DLGAP2: variants seen among roughly 807,000 people sequenced by gnomAD.
DLGAP2 encodes disks large-associated protein 2.
DLGAP2 carries 26 observed loss-of-function variants against 100.3 expected under a neutral mutation model. The ratio of observed to expected loss-of-function variants is 0.26; its 90% CI spans 0.19 to 0.36. The LOEUF is 0.36. Among genes scored for constraint, DLGAP2 ranks in the 10% least tolerant of loss-of-function variants. DLGAP2 has a pLI of 1.00. For synonymous variants in DLGAP2, 886 were observed against 630.1 expected (o/e 1.41, Z -6.08); for missense variants, 1,858 against 1,453.2 (o/e 1.28, Z -4.53).
chr8:1,567,821 A>G (rs367636032), intron 6 of DLGAP2, among the ~76,000 whole-genome samples: 2 of 152,294 alleles, frequency 1.3e-5, no homozygotes, highest in African/African-American at 4.8e-5. Context: ...AGCATCACCT[A>G]AACACTGGCC....
chr8:995,238 A>C (rs534083341), intron 2 of DLGAP2, among the ~76,000 whole-genome samples: 1 of 152,150 alleles, frequency 6.6e-6, no homozygotes, highest in Non-Finnish European at 1.5e-5. Flanking sequence ...TGTGGGAGGA[A>C]GTGGGTGAGG....
chr8:1,241,101 G>A (rs1187359687), intron 2 of DLGAP2, among the ~76,000 whole-genome samples: 2 of 102,168 alleles, frequency 2.0e-5, no homozygotes, highest in African/African-American at 3.8e-5. Flanking sequence ...CTCACATGGC[G>A]CCGTGTCTGG....
intron 2 of DLGAP2, among the ~76,000 whole-genome samples, chr8:1,051,728 G>A (rs1227182050): frequency 6.6e-6 from 1 of 152,024 alleles, no homozygotes; most frequent in Non-Finnish European, 1.5e-5. Context: ...ATCCCGCCAC[G>A]CTCAGCACAG....
chr8:1,096,506 C>T (rs1804372578), intron 2 of DLGAP2, among the ~76,000 whole-genome samples: 1 of 151,710 alleles, frequency 6.6e-6, no homozygotes, highest in Non-Finnish European at 1.5e-5. Context: ...TCATCAAGCT[C>T]TGTGGCATGG....
At chr8:794,018 C>G (rs1795975417) in intron 1 of DLGAP2, among the ~76,000 whole-genome samples, 1 of 152,170 alleles carries the variant, frequency 6.6e-6, no homozygotes, top group South Asian at 2.1e-4. Flanking sequence ...GTGTTTCTAG[C>G]TGCAGGATGG....
intron 3 of DLGAP2, among the ~76,000 whole-genome samples, chr8:1,436,534 C>G (rs1411094665): frequency 6.6e-6 from 1 of 152,160 alleles, no homozygotes; most frequent in Non-Finnish European, 1.5e-5. Flanking sequence ...CAACCCAGGA[C>G]AATACTTTGC....
chr8:1,506,250 C>G (rs1203332361), intron 4 of DLGAP2, among the ~76,000 whole-genome samples: 1 of 152,170 alleles, frequency 6.6e-6, no homozygotes, highest in Non-Finnish European at 1.5e-5. Flanking sequence ...AAAACAAAAA[C>G]CCAGCTCTAC....
chr8:1,068,502 G>A (rs555722693), intron 2 of DLGAP2, among the ~76,000 whole-genome samples: 7 of 152,300 alleles, frequency 4.6e-5, no homozygotes, highest in Admixed American at 6.5e-5. Context: ...GTGGTGTGCA[G>A]GGAGGTCTGA....
At chr8:1,058,090 G>A (rs1802936349) in intron 2 of DLGAP2, among the ~76,000 whole-genome samples, 1 of 152,170 alleles carries the variant, frequency 6.6e-6, no homozygotes, top group Non-Finnish European at 1.5e-5. Context: ...CAAATTCCCC[G>A]AGTGAGGATC....
At chr8:1,500,159 A>C (rs1288148878) in intron 3 of DLGAP2, among the ~76,000 whole-genome samples, 2 of 152,250 alleles carry the variant, frequency 1.3e-5, no homozygotes, top group African/African-American at 4.8e-5. Flanking sequence ...CATCATTCTG[A>C]TACCCCATAA....
intron 3 of DLGAP2, among the ~76,000 whole-genome samples, chr8:1,438,627 C>A (rs1463028011): frequency 6.6e-6 from 1 of 152,136 alleles, no homozygotes; most frequent in Non-Finnish European, 1.5e-5. Flanking sequence ...CTATTTTATA[C>A]ATGGAGAAAA....
At chr8:856,634 C>CA (rs1370325323) in intron 1 of DLGAP2, among the ~76,000 whole-genome samples, 1 of 151,910 alleles carries the variant, frequency 6.6e-6, no homozygotes, top group Non-Finnish European at 1.5e-5. Context: ...ACATTAGTAC[C>CA]AAAAAAATGT....
chr8:892,979 G>T (rs1183376390), intron 1 of DLGAP2: 1 of 148,822 alleles, frequency 6.7e-6, no homozygotes, highest in African/African-American at 2.5e-5. Flanking sequence ...GTCTGTGGTT[G>T]TGCAAACAAT....
intron 3 of DLGAP2, among the ~76,000 whole-genome samples, chr8:1,370,623 C>T (rs1171352166): frequency 6.6e-6 from 1 of 152,194 alleles, no homozygotes; most frequent in Non-Finnish European, 1.5e-5. Context: ...CTACAGGGAG[C>T]ACGGGGAGCT....
At chr8:1,608,890 T>A (rs1474621733) in intron 6 of DLGAP2, among the ~76,000 whole-genome samples, 1 of 151,560 alleles carries the variant, frequency 6.6e-6, no homozygotes, top group Admixed American at 6.6e-5. Context: ...TGGGACTATG[T>A]GAAAAGACCA....
At chr8:1,206,952 G>A (rs1798009429) in intron 2 of DLGAP2, among the ~76,000 whole-genome samples, 1 of 152,072 alleles carries the variant, frequency 6.6e-6, no homozygotes, top group South Asian at 2.1e-4. Context: ...AGTGCTGAGT[G>A]GACACCGTCT....
chr8:832,359 A>C (rs1796799252), intron 1 of DLGAP2, among the ~76,000 whole-genome samples: 1 of 152,194 alleles, frequency 6.6e-6, no homozygotes, highest in South Asian at 2.1e-4. Flanking sequence ...CTAACATTTA[A>C]ATCTTTAATC....
chr8:886,366 C>A (rs774815454), intron 1 of DLGAP2, among the ~76,000 whole-genome samples: 1 of 151,764 alleles, frequency 6.6e-6, no homozygotes, highest in Non-Finnish European at 1.5e-5. Context: ...TTTCATCTAT[C>A]TCCTTAAATT....
chr8:745,190 A>G (rs904320258), intron 1 of DLGAP2, among the ~76,000 whole-genome samples: 3 of 152,230 alleles, frequency 2.0e-5, no homozygotes, highest in African/African-American at 7.2e-5. Flanking sequence ...AGCTCTTTAA[A>G]AATAATTTCC....
Sources: gnomAD v4.1 joint callset for allele counts (sites outside exome capture counted in the v4.1 genomes callset) on GRCh38, gnomAD v4.1.1 for gene constraint, MANE v1.5 for transcripts, NCBI Gene and HGNC (gene_info 2026-07-23, HGNC 2026-07-21) for gene names.